Variants in COL19A1 observed in about 807,000 individuals in gnomAD.
COL19A1 encodes collagen alpha-1(XIX) chain.
In COL19A1, 159 loss-of-function variants were observed where a neutral mutation model predicts 190.2. That is an observed-to-expected ratio of 0.84 (90% CI 0.73 to 0.95). The LOEUF is 0.95. Ranked by LOEUF, COL19A1 falls within the 40% of genes least tolerant of loss-of-function variation. COL19A1 has a pLI of 0.00. For synonymous variants in COL19A1, 509 were observed against 458.9 expected (o/e 1.11, Z -1.39); for missense variants, 1,418 against 1,431.9 (o/e 0.99, Z 0.16).
At chr6:69,996,072 T>A (rs1776888050) in intron 11 of COL19A1, among the ~76,000 whole-genome samples, 1 of 152,140 alleles carries the variant, frequency 6.6e-6, no homozygotes, top group South Asian at 2.1e-4. Context: ...TCGATTCATC[T>A]TTGTGGCCTG....
chr6:69,929,297 G>A, intron 5 of COL19A1, 128 bp from the exon 6 acceptor site: 2 of 871,498 alleles, frequency 2.3e-6, no homozygotes, highest in South Asian at 3.7e-5. Context: ...GTGGACACAA[G>A]TGTCATCTAA....
chr6:69,999,551 G>T (rs548098250), intron 11 of COL19A1, among the ~76,000 whole-genome samples: 17 of 151,984 alleles, frequency 1.1e-4, no homozygotes, highest in East Asian at 5.9e-4. Flanking sequence ...AATTTTTTTT[G>T]ATTACATTTA....
At chr6:70,180,862 A>T (rs753765845) in intron 44 of COL19A1, among the ~76,000 whole-genome samples, 5 of 152,344 alleles carry the variant, frequency 3.3e-5, no homozygotes, top group Non-Finnish European at 5.9e-5. Flanking sequence ...AGACTTATAG[A>T]TATAATACCT....
At chr6:69,968,121 T>C (rs1775227085) in intron 11 of COL19A1, among the ~76,000 whole-genome samples, 1 of 152,190 alleles carries the variant, frequency 6.6e-6, no homozygotes, top group Admixed American at 6.5e-5. Context: ...TGTATTAGTA[T>C]TGATTTTATT....
chr6:70,129,946 C>G (rs1253472151), intron 17 of COL19A1, among the ~76,000 whole-genome samples: 1 of 152,106 alleles, frequency 6.6e-6, no homozygotes, highest in African/African-American at 2.4e-5. Flanking sequence ...GAAGCAATCT[C>G]CTTAAGAAGT....
At chr6:69,941,672 G>T (rs1231141017) in intron 9 of COL19A1, among the ~76,000 whole-genome samples, 2 of 149,566 alleles carry the variant, frequency 1.3e-5, no homozygotes, top group Non-Finnish European at 3.0e-5. Context: ...ACCTTCTCTG[G>T]ATACAATGTG....
chr6:70,142,855 A>T (rs1201950413), intron 23 of COL19A1, 35 bp downstream of exon 23: 36 of 1,571,764 alleles, frequency 2.3e-5, no homozygotes, highest in Non-Finnish European at 3.1e-5. Flanking sequence ...CTGGAATTGA[A>T]ATTGAGACTA....
intron 14 of COL19A1, among the ~76,000 whole-genome samples, chr6:70,058,259 G>A (rs1162087739): frequency 6.6e-6 from 1 of 152,034 alleles, no homozygotes; most frequent in Non-Finnish European, 1.5e-5. Context: ...TGTGTCCCAT[G>A]TCTGAAATGA....
rs960136254 is a variant in COL19A1 at position 70,199,854 on chromosome 6, A to G, written c.3223+118A>G. The G allele has an allele frequency of 3.4e-6, 3 of 888,266 alleles. No individual in the cohort carries two copies. The African/African-American group carries it at 5.1e-5, about 15-fold the overall frequency. The allele number at this position is 888,266 out of a possible 1,614,324, so 55.0% of individuals were successfully genotyped here. On this transcript the variant is annotated intron_variant, in intron 49 of 50. Transcript: ENST00000620364. ...TGTCCTTTATTTATACATTACATATATAAATATATGCAATATATAAAATGG... is the reference window on the plus strand; with the variant it reads ...TGTCCTTTATTTATACATTACATATGTAAATATATGCAATATATAAAATGG...
At chr6:70,054,416 T>G (rs1477087365) in intron 14 of COL19A1, among the ~76,000 whole-genome samples, 1 of 152,166 alleles carries the variant, frequency 6.6e-6, no homozygotes, top group Non-Finnish European at 1.5e-5. Context: ...TCCAAATTAT[T>G]AACAAATCAC....
chr6:69,981,579 A>G (rs1298896035), intron 11 of COL19A1, among the ~76,000 whole-genome samples: 1 of 152,036 alleles, frequency 6.6e-6, no homozygotes, highest in Non-Finnish European at 1.5e-5. Context: ...GAAAAGGAGT[A>G]AAAGAAATTA....
intron 41 of COL19A1, among the ~76,000 whole-genome samples, chr6:70,173,013 G>T (rs1330506483): frequency 1.3e-5 from 2 of 152,190 alleles, no homozygotes; most frequent in African/African-American, 2.4e-5. Flanking sequence ...CAGATTGATT[G>T]CATTATTAGA....
intron 17 of COL19A1, among the ~76,000 whole-genome samples, chr6:70,122,496 A>G (rs1014132688): frequency 2.6e-5 from 4 of 152,166 alleles, no homozygotes; most frequent in African/African-American, 9.7e-5. Flanking sequence ...TTTGTTCCAG[A>G]TTCTACAAGG....
At chr6:70,205,148 T>C (rs1043342853) in intron 49 of COL19A1, among the ~76,000 whole-genome samples, 1 of 152,224 alleles carries the variant, frequency 6.6e-6, no homozygotes, top group Admixed American at 6.5e-5. Flanking sequence ...TGCTGGTGGG[T>C]GTATTTCTAC....
intron 41 of COL19A1, 119 bp from the exon 42 acceptor site, chr6:70,176,400 TA>T: frequency 1.0e-6 from 1 of 968,080 alleles, no homozygotes; most frequent in Non-Finnish European, 1.5e-6. Context: ...CTAATATCAA[TA>T]ACACTTATCA....
chr6:69,881,052 A>G (rs1768515073), intron 2 of COL19A1, among the ~76,000 whole-genome samples: 1 of 152,344 alleles, frequency 6.6e-6, no homozygotes, highest in African/African-American at 2.4e-5. Context: ...ACCTAAATAA[A>G]TGGTTCTCCA....
At chr6:69,953,291 G>A (rs1251278547) in intron 9 of COL19A1, among the ~76,000 whole-genome samples, 2 of 151,078 alleles carry the variant, frequency 1.3e-5, no homozygotes, top group East Asian at 3.9e-4. Flanking sequence ...TCTCTAATGA[G>A]TGAAGGTATA....
chr6:69,874,286 C>T (rs913545240), intron 1 of COL19A1, among the ~76,000 whole-genome samples: 1 of 152,088 alleles, frequency 6.6e-6, no homozygotes, highest in Non-Finnish European at 1.5e-5. Flanking sequence ...GTCAACCTAC[C>T]GGTGCCTCCA....
intron 1 of COL19A1, among the ~76,000 whole-genome samples, chr6:69,866,871 T>G (rs1767476812): frequency 6.6e-6 from 1 of 152,178 alleles, no homozygotes; most frequent in African/African-American, 2.4e-5. Context: ...ACGGCCACTC[T>G]CATGTGGTAC....
Sources: allele counts gnomAD v4.1 joint callset (sites outside exome capture counted in the v4.1 genomes callset), GRCh38; gene constraint gnomAD v4.1.1; transcripts MANE v1.5; gene names NCBI Gene and HGNC (gene_info 2026-07-23, HGNC 2026-07-21).